SDK1: variants seen among roughly 807,000 people sequenced by gnomAD.
SDK1 encodes the protein sidekick cell adhesion molecule 1, also known as protein sidekick-1.
SDK1 carries 157 observed loss-of-function variants against 245.5 expected under a neutral mutation model. The observed-to-expected ratio is 0.64, with a 90% CI of 0.56 to 0.73. The LOEUF (loss-of-function observed/expected upper bound fraction) is 0.73, where lower values mean the gene tolerates loss of function less well. Among genes scored for constraint, SDK1 ranks in the 30% least tolerant of loss-of-function variants. The pLI, the probability that SDK1 is intolerant of heterozygous loss-of-function variation, is 0.00. For missense variants in SDK1, 3,583 were observed against 3,002.3 expected (o/e 1.19, Z -4.52); for synonymous variants, 1,647 against 1,278.5 (o/e 1.29, Z -6.15).
At chr7:3,739,637 C>T (rs1170026977) in intron 4 of SDK1, among the ~76,000 whole-genome samples, 1 of 152,004 alleles carries the variant, frequency 6.6e-6, no homozygotes, top group African/African-American at 2.4e-5. Flanking sequence ...TAATTTTCAT[C>T]TTTTAATATT....
In SDK1 at chr7:3,974,389, A is replaced by G. The variant is rs141337323; in HGVS notation, c.1838A>G (p.Asn613Ser). The G allele has an allele frequency of 7.5e-4, 1,206 of 1,613,620 alleles. No homozygotes were observed. Among genetic ancestry groups the G allele is most frequent in the Non-Finnish European group, 9.7e-4 (1,146 of 1,179,622 alleles). ...CACAGCTACGTTTGGAAGAAGGACA[A>G]CGTGGCCCTGACTCCATCGAGCACG... ...VSLRYVWKKD[N>S]VALTPSSTSR... Residue 613 changes from asparagine to serine, a missense_variant, in exon 13 of 45, where the codon AAC (asparagine) becomes AGC (serine). By Grantham distance (46) the Asn-to-Ser change is conservative. Coordinates refer to ENST00000404826, the MANE Select transcript of SDK1 (RefSeq NM_152744.4).
In SDK1 at chr7:4,266,128, C is replaced by G. The variant is rs1788455176; in HGVS notation, c.*744C>G. ...GAGGGAAGCCTCTTAGGGCTGGAAG[C>G]CACCACGCTGGCCCTCTCCTTCCCC... On this transcript the variant is annotated 3_prime_UTR_variant, in exon 45 of 45. Coordinates refer to ENST00000404826, the MANE Select transcript of SDK1 (RefSeq NM_152744.4). 3 of 985,428 alleles carry G rather than the reference C, an allele frequency of 3.0e-6. No homozygotes were observed. Among genetic ancestry groups the G allele is most frequent in the Non-Finnish European group, 3.6e-6 (3 of 829,994 alleles). 61.0% of individuals were successfully genotyped at this position (985,428 alleles called of 1,614,324 possible).
At chr7:3,516,708 A>C (rs754596767) in intron 1 of SDK1, among the ~76,000 whole-genome samples, 1 of 152,196 alleles carries the variant, frequency 6.6e-6, no homozygotes, top group Non-Finnish European at 1.5e-5. Context: ...TAATTTGGAA[A>C]AGTTCATGGA....
chr7:4,268,067 A>G lies in SDK1; in HGVS notation c.*2683A>G. On this transcript the variant is annotated 3_prime_UTR_variant, in exon 45 of 45. Coordinates refer to ENST00000404826, the MANE Select transcript of SDK1 (RefSeq NM_152744.4). ...AATCTCGGTTTTAAAAAGAGGACAA[A>G]CAAAATGTCTCTAAGCCAGGCTAGA... 3 of 985,442 alleles carry G rather than the reference A, an allele frequency of 3.0e-6. No individual in the cohort carries two copies. The highest frequency in any genetic ancestry group is 3.6e-6 in the Non-Finnish European group (3 of 829,952). 61.0% of individuals were successfully genotyped at this position (985,442 alleles called of 1,614,324 possible).
intron 5 of SDK1, among the ~76,000 whole-genome samples, chr7:3,843,717 C>CTCACATA (rs1335301140): frequency 6.6e-6 from 1 of 152,178 alleles, no homozygotes; most frequent in Non-Finnish European, 1.5e-5. Flanking sequence ...ACTCGCCTGA[C>CTCACATA]GATGAAGCCA....
intron 14 of SDK1, among the ~76,000 whole-genome samples, chr7:3,998,990 C>T (rs561475377): frequency 6.6e-6 from 1 of 152,208 alleles, no homozygotes; most frequent in Non-Finnish European, 1.5e-5. Context: ...ATCTCCATCT[C>T]TTTGCATTCT....
At chr7:3,772,314 A>G (rs557491968) in intron 4 of SDK1, among the ~76,000 whole-genome samples, 3 of 152,074 alleles carry the variant, frequency 2.0e-5, no homozygotes, top group East Asian at 3.9e-4. Context: ...TTGGTATCCT[A>G]AAGTCAAATA....
intron 1 of SDK1, among the ~76,000 whole-genome samples, chr7:3,602,735 A>G: frequency 6.6e-6 from 1 of 152,000 alleles, no homozygotes; most frequent in African/African-American, 2.4e-5. Flanking sequence ...GGTGTTTTAG[A>G]CATGAAGTCC....
intron 1 of SDK1, among the ~76,000 whole-genome samples, chr7:3,572,369 A>T (rs1476529516): frequency 6.6e-6 from 1 of 152,042 alleles, no homozygotes; most frequent in Non-Finnish European, 1.5e-5. Context: ...GATCAGGATC[A>T]TCCAGCCCCT....
intron 23 of SDK1, among the ~76,000 whole-genome samples, chr7:4,112,302 C>G (rs1443317903): frequency 5.9e-5 from 9 of 152,110 alleles, no homozygotes. Context: ...TTCTGATGAG[C>G]CTTTCCAAAG....
At chr7:4,154,748 G>C (rs1460587956) in intron 30 of SDK1, among the ~76,000 whole-genome samples, 1 of 152,194 alleles carries the variant, frequency 6.6e-6, no homozygotes, top group Non-Finnish European at 1.5e-5. Flanking sequence ...ACTTGCTCCA[G>C]TGAGTAGTGG....
chr7:3,623,245 C>CTTTTTTT (rs1183056855), intron 2 of SDK1, among the ~76,000 whole-genome samples: 61 of 117,956 alleles, frequency 5.2e-4, no homozygotes, highest in Middle Eastern at 4.5e-3. Flanking sequence ...TGTTGTATTT[C>CTTTTTTT]TTTTTTTTTT....
intron 1 of SDK1, among the ~76,000 whole-genome samples, chr7:3,575,238 A>AT (rs2128630779): frequency 6.6e-6 from 1 of 152,144 alleles, no homozygotes; most frequent in East Asian, 1.9e-4. Flanking sequence ...GTGTCCTCAC[A>AT]TGCCTTTGCT....
At chr7:3,948,847 G>A (rs544261159) in intron 5 of SDK1, among the ~76,000 whole-genome samples, 9 of 152,328 alleles carry the variant, frequency 5.9e-5, no homozygotes, top group African/African-American at 1.4e-4. Context: ...ATCTGCCACC[G>A]TGGCTGAGCA....
intron 1 of SDK1, among the ~76,000 whole-genome samples, chr7:3,530,532 A>G (rs1009330168): frequency 2.6e-5 from 4 of 152,200 alleles, no homozygotes; most frequent in African/African-American, 4.8e-5. Flanking sequence ...TTAAAAATTC[A>G]CTCATGCTTT....
At chr7:4,071,689 A>T (rs996169993) in intron 20 of SDK1, among the ~76,000 whole-genome samples, 1 of 152,248 alleles carries the variant, frequency 6.6e-6, no homozygotes, top group Non-Finnish European at 1.5e-5. Context: ...GGAGGCTACC[A>T]TTCGGAAGAA....
chr7:3,905,032 T>C (rs981988319), intron 5 of SDK1, among the ~76,000 whole-genome samples: 1 of 151,626 alleles, frequency 6.6e-6, no homozygotes, highest in African/African-American at 2.4e-5. Flanking sequence ...AACCTACTTA[T>C]CTGTGTATTT....
chr7:4,127,105 A>C lies in SDK1; in HGVS notation c.3824-276A>C, dbSNP rs1784437831. On this transcript the variant is annotated intron_variant, in intron 25 of 44. Coordinates refer to ENST00000404826, the MANE Select transcript of SDK1 (RefSeq NM_152744.4). ...GAGATAAAAGTCTGCAGTTTCCACA[A>C]GTTAATACAGCAAACAGACCAAGCA... Among the ~76,000 whole-genome samples, 4 of 152,234 alleles carry C rather than the reference A, an allele frequency of 2.6e-5. No homozygotes were observed. The South Asian group carries it at 8.3e-4, about 32-fold the overall frequency.
At chr7:3,434,087 A>G (rs1322285097) in intron 1 of SDK1, among the ~76,000 whole-genome samples, 4 of 152,084 alleles carry the variant, frequency 2.6e-5, no homozygotes, top group Non-Finnish European at 5.9e-5. Context: ...AACAAGGCAA[A>G]ATCTATCCAT....
Sources: allele counts gnomAD v4.1 joint callset (sites outside exome capture counted in the v4.1 genomes callset), GRCh38; gene constraint gnomAD v4.1.1; transcripts MANE v1.5; gene names NCBI Gene and HGNC (gene_info 2026-07-23, HGNC 2026-07-21).